The following KCTD3 variants were observed in gnomAD, a reference collection of about 807,000 sequenced individuals.
KCTD3 encodes potassium channel tetramerization domain containing 3.
A neutral mutation model predicts 85.8 loss-of-function variants in KCTD3; 41 were observed. The ratio of observed to expected loss-of-function variants is 0.48; its 90% CI spans 0.37 to 0.62. The LOEUF (loss-of-function observed/expected upper bound fraction) is 0.62. KCTD3 is among the 20% of genes least tolerant of loss of function. KCTD3 has a pLI of 0.00. For missense variants in KCTD3, 724 were observed against 989.9 expected (o/e 0.73, Z 3.60); for synonymous variants, 338 against 345.4 (o/e 0.98, Z 0.24).
At chr1:215,594,541 T>C (rs1660338992) in intron 9 of KCTD3, among the ~76,000 whole-genome samples, 1 of 152,210 alleles carries the variant, frequency 6.6e-6, no homozygotes, top group Admixed American at 6.5e-5. Context: ...CTCAGATGGC[T>C]TCTTTTCTAA....
At chr1:215,581,627 T>C (rs1659827585) in intron 8 of KCTD3, among the ~76,000 whole-genome samples, 1 of 152,206 alleles carries the variant, frequency 6.6e-6, no homozygotes, top group African/African-American at 2.4e-5. Context: ...CACTGGGTAA[T>C]AATTGTATGG....
chr1:215,604,445 C>G, intron 13 of KCTD3, 143 bp downstream of exon 13: 2 of 678,464 alleles, frequency 2.9e-6, no homozygotes, highest in Non-Finnish European at 4.9e-6. Context: ...TTATGATTGT[C>G]TTTTAAAGAT....
intron 8 of KCTD3, among the ~76,000 whole-genome samples, chr1:215,584,367 T>C (rs1659935233): frequency 6.6e-6 from 1 of 152,238 alleles, no homozygotes; most frequent in African/African-American, 2.4e-5. Flanking sequence ...CTTGGCCTGA[T>C]TATTTGTATA....
intron 12 of KCTD3, 106 bp from the exon 13 acceptor site, chr1:215,604,026 A>G: frequency 2.5e-6 from 2 of 796,328 alleles, no homozygotes; most frequent in South Asian, 4.3e-5. Flanking sequence ...GCTGATATAA[A>G]CAGTGAATCC....
chr1:215,601,537 C>T (rs964733200), intron 10 of KCTD3, among the ~76,000 whole-genome samples: 4 of 152,072 alleles, frequency 2.6e-5, no homozygotes, highest in African/African-American at 7.2e-5. Context: ...TGGTCAGACT[C>T]GGCCTTCCAG....
intron 15 of KCTD3, among the ~76,000 whole-genome samples, chr1:215,616,814 C>T (rs1274344250): frequency 6.6e-6 from 1 of 152,186 alleles, no homozygotes; most frequent in African/African-American, 2.4e-5. Flanking sequence ...CATATTTGGT[C>T]TTTGTCTCTG....
At chr1:215,582,118 A>G (rs963973892) in intron 8 of KCTD3, among the ~76,000 whole-genome samples, 9 of 152,022 alleles carry the variant, frequency 5.9e-5, no homozygotes, top group African/African-American at 1.7e-4. Context: ...ATCCTTGTGG[A>G]GTTTACTTTT....
intron 8 of KCTD3, 103 bp downstream of exon 8, chr1:215,580,102 A>G (rs1659761879): frequency 5.5e-6 from 4 of 725,976 alleles, no homozygotes; most frequent in Admixed American, 2.5e-5. Context: ...TTAGTCATCA[A>G]GTTTTTTCCC....
intron 15 of KCTD3, among the ~76,000 whole-genome samples, chr1:215,617,713 A>T (rs1655507955): frequency 6.6e-6 from 1 of 150,776 alleles, no homozygotes; most frequent in Non-Finnish European, 1.5e-5. Context: ...GGAGAGTGGG[A>T]ACTGGGGGCT....
chr1:215,591,732 A>T (rs1660233703), intron 9 of KCTD3, among the ~76,000 whole-genome samples: 1 of 152,146 alleles, frequency 6.6e-6, no homozygotes, highest in South Asian at 2.1e-4. Context: ...GGAAACGCTT[A>T]TGCAACTTTT....
At chr1:215,616,489 G>A (rs1374232975) in intron 15 of KCTD3, among the ~76,000 whole-genome samples, 2 of 152,196 alleles carry the variant, frequency 1.3e-5, no homozygotes, top group African/African-American at 2.4e-5. Flanking sequence ...GGCCGGGTGC[G>A]GTGGCTCACA....
At chr1:215,616,674 C>T (rs1020568187) in intron 15 of KCTD3, among the ~76,000 whole-genome samples, 7 of 151,982 alleles carry the variant, frequency 4.6e-5, no homozygotes, top group Non-Finnish European at 8.8e-5. Context: ...GCAGGAGAAT[C>T]GCTTGAACCC....
At chr1:215,597,749 TG>T (rs1304027757) in intron 10 of KCTD3, among the ~76,000 whole-genome samples, 1 of 152,144 alleles carries the variant, frequency 6.6e-6, no homozygotes, top group Non-Finnish European at 1.5e-5. Context: ...CTCTCTTTCC[TG>T]TTGTGAGGCA....
intron 10 of KCTD3, among the ~76,000 whole-genome samples, chr1:215,601,086 C>T (rs952518795): frequency 2.6e-5 from 4 of 152,114 alleles, no homozygotes; most frequent in African/African-American, 7.2e-5. Context: ...TACTGGCATG[C>T]GCCACTACGC....
intron 14 of KCTD3, 131 bp from the exon 15 acceptor site, chr1:215,611,694 G>C (rs1211079552): frequency 1.8e-6 from 1 of 561,508 alleles, no homozygotes; most frequent in Admixed American, 3.2e-5. Context: ...GTCTGATGTT[G>C]AGCTGAAATG....
intron 15 of KCTD3, among the ~76,000 whole-genome samples, chr1:215,613,160 A>G (rs765879722): frequency 6.6e-6 from 1 of 152,212 alleles, no homozygotes; most frequent in Non-Finnish European, 1.5e-5. Context: ...AGTTTTTTGC[A>G]TGTCAAACAA....
At chr1:215,608,418 A>C (rs1429650272) in intron 14 of KCTD3, among the ~76,000 whole-genome samples, 1 of 151,852 alleles carries the variant, frequency 6.6e-6, no homozygotes, top group African/African-American at 2.4e-5. Flanking sequence ...TCATCATTTA[A>C]AGAATGTCAT....
At chr1:215,610,510 A>C (rs1005419019) in intron 14 of KCTD3, among the ~76,000 whole-genome samples, 1 of 151,918 alleles carries the variant, frequency 6.6e-6, no homozygotes, top group Non-Finnish European at 1.5e-5. Context: ...ATGAAGTTCA[A>C]AGGGAGAGAA....
chr1:215,621,271 C>T lies in KCTD3; in HGVS notation c.*653C>T, dbSNP rs1454362777. The T allele has an allele frequency of 6.6e-6, 1 of 152,300 alleles. No homozygotes were observed. Among genetic ancestry groups the T allele is most frequent in the Non-Finnish European group, 1.5e-5 (1 of 67,954 alleles). 9.4% of individuals were successfully genotyped at this position (152,300 alleles called of 1,614,324 possible). A position where few individuals can be genotyped will look rare whatever the true frequency, so the allele number is the denominator to read the frequency against. ...AGCAAGCATTAGCAATATTAAATGC[C>T]AAAATTCCATTGAAACTTTCAAGTT... On this transcript the variant is annotated 3_prime_UTR_variant, in exon 18 of 18. Transcript: ENST00000259154.
Sources: allele counts gnomAD v4.1 joint callset (sites outside exome capture counted in the v4.1 genomes callset), GRCh38; gene constraint gnomAD v4.1.1; transcripts MANE v1.5; gene names NCBI Gene and HGNC (gene_info 2026-07-23, HGNC 2026-07-21).